Variants in USP15 observed in about 807,000 individuals in gnomAD.
USP15 encodes ubiquitin specific peptidase 15.
In USP15, 18 loss-of-function variants were observed where a neutral mutation model predicts 127.1. That is an observed-to-expected ratio of 0.14 (90% CI 0.10 to 0.21). The LOEUF (loss-of-function observed/expected upper bound fraction) is 0.21. Ranked by LOEUF, USP15 falls within the 10% of genes least tolerant of loss-of-function variation. The probability of loss-of-function intolerance (pLI) is 1.00; values close to 1 mark genes in which losing one functional copy is unlikely to be tolerated. For missense variants in USP15, 805 were observed against 1,159.9 expected (o/e 0.69, Z 4.44); for synonymous variants, 364 against 393.7 (o/e 0.92, Z 0.89).
chr12:62,410,376 CAAA>C lies in USP15; in HGVS notation c.*6008_*6010del, dbSNP rs905480262. On this transcript the variant is annotated 3_prime_UTR_variant, in exon 22 of 22. Transcript: ENST00000280377. ...TTAGAGTTGCCCTTATTTTAAAAAA[CAAA>C]AAAAAAGTAAAGATGGGAAAATTAC... 6.7e-6 allele frequency: 1 copy of C among 148,386 alleles called. No homozygotes were observed. Among genetic ancestry groups the C allele is most frequent in the Non-Finnish European group, 1.5e-5 (1 of 66,926 alleles). The allele number at this position is 148,386 out of a possible 1,614,324, so 9.2% of individuals were successfully genotyped here.
rs188684511 is a variant in USP15 at position 62,263,789 on chromosome 12, T to C, written c.89+3286T>C. ...AAAAACACGAACAAAATTTAGAGTT[T>C]AGGAACTATAGGAAAGAGATAAATG... On this transcript the variant is annotated intron_variant, in intron 1 of 21. Coordinates refer to ENST00000280377, the MANE Select transcript of USP15 (RefSeq NM_001252078.2). Among the ~76,000 whole-genome samples, 12 of 152,304 alleles carry C rather than the reference T, an allele frequency of 7.9e-5. No homozygotes were observed. In the East Asian group the frequency reaches 2.1e-3, roughly 27 times the overall value.
Position 62,411,737 on chromosome 12 carries a change from C to CT in USP15, c.*7363dup, listed in dbSNP as rs2068046762. ...TTTCACAGTTCTGGAGGCTGGGAAT[C>CT]TGAGATCAGGGTACCAGTATACTGG... On this transcript the variant is annotated 3_prime_UTR_variant, in exon 22 of 22. Coordinates refer to ENST00000280377, the MANE Select transcript of USP15 (RefSeq NM_001252078.2). 6.6e-6 allele frequency: 1 copy of CT among 152,170 alleles called. No individual in the cohort carries two copies. Among genetic ancestry groups the CT allele is most frequent in the South Asian group, 2.1e-4 (1 of 4,830 alleles). 9.4% of individuals were successfully genotyped at this position (152,170 alleles called of 1,614,324 possible).
rs1422092439 is a variant in USP15, at chr12:62,343,796, T to C, written c.684-5425T>C. ...ATGCAGAAATCACCTACCTTCTCCA[T>C]TGATCTCCCTGGGAACCTCAGACCA... On this transcript the variant is annotated intron_variant, in intron 6 of 21. Coordinates refer to ENST00000280377, the MANE Select transcript of USP15 (RefSeq NM_001252078.2). Among the ~76,000 whole-genome samples the C allele has an allele frequency of 2.6e-5, 4 of 152,158 alleles. No individual in the cohort carries two copies. The East Asian group carries it at 5.8e-4, about 22-fold the overall frequency.
intron 1 of USP15, among the ~76,000 whole-genome samples, chr12:62,276,358 A>C (rs952148237): frequency 6.6e-6 from 1 of 152,100 alleles, no homozygotes; most frequent in Admixed American, 6.6e-5. Flanking sequence ...GCTGCTCAAG[A>C]TGGTTTGTAC....
At position 62,296,131 on chromosome 12, in the gene USP15, A is replaced by G. The variant is rs185014992; in HGVS notation, c.217+1825A>G. ...AGGAACAGAGAGTGGCCTCAGGTTGACAGCCAGCAAGGAAACGGGAACCTC... is the reference window on the plus strand; with the variant it reads ...AGGAACAGAGAGTGGCCTCAGGTTGGCAGCCAGCAAGGAAACGGGAACCTC... On this transcript the variant is annotated intron_variant, in intron 2 of 21. Transcript: ENST00000280377. Among the ~76,000 whole-genome samples the G allele has an allele frequency of 4.6e-3, 708 of 152,340 alleles. 2 individuals are homozygous for G. Among genetic ancestry groups the G allele is most frequent in the Middle Eastern group, 0.01 (3 of 294 alleles).
intron 1 of USP15, among the ~76,000 whole-genome samples, chr12:62,290,905 G>A (rs905318748): frequency 6.7e-6 from 1 of 149,290 alleles, no homozygotes; most frequent in African/African-American, 2.5e-5. Flanking sequence ...CAGGTTGACA[G>A]TTTTTTTTTT....
At chr12:62,336,619 A>C (rs2065474296) in intron 6 of USP15, 1 of 490,330 alleles carries the variant, frequency 2.0e-6, no homozygotes, top group Admixed American at 6.4e-5. Context: ...GTACAAAACC[A>C]TTGTATTTTG....
Position 62,371,610 on chromosome 12 carries a change from C to T in USP15, c.916-9880C>T, listed in dbSNP as rs574758447. 3.7e-4 allele frequency among the ~76,000 whole-genome samples: 57 copies of T among 152,106 alleles called. No homozygotes were observed. The East Asian group carries it at 9.1e-3, about 24-fold the overall frequency. On this transcript the variant is annotated intron_variant, in intron 8 of 21. Coordinates refer to ENST00000280377, the MANE Select transcript of USP15 (RefSeq NM_001252078.2). ...AGTGTTTTTAATTTTATTTTTCTAG[C>T]GGTTCATTTTTATTATATCTTACAC...
chr12:62,366,039 C>G (rs971449711), intron 8 of USP15, among the ~76,000 whole-genome samples: 1 of 152,172 alleles, frequency 6.6e-6, no homozygotes, highest in Non-Finnish European at 1.5e-5. Context: ...TATGCCGGCT[C>G]TTTTCTGGTT....
intron 11 of USP15, among the ~76,000 whole-genome samples, chr12:62,388,091 A>G (rs868695682): frequency 3.0e-4 from 46 of 151,684 alleles, no homozygotes; most frequent in African/African-American, 1.0e-3. Context: ...GCAGTAGTGA[A>G]ATAGGAAGCC....
At chr12:62,278,581 G>A (rs2063559055) in intron 1 of USP15, 1 of 152,126 alleles carries the variant, frequency 6.6e-6, no homozygotes, top group African/African-American at 2.4e-5. Context: ...ACATTATGGT[G>A]TATGGGACCA....
intron 2 of USP15, among the ~76,000 whole-genome samples, chr12:62,299,003 C>T (rs1186520602): frequency 6.6e-6 from 1 of 152,110 alleles, no homozygotes; most frequent in Non-Finnish European, 1.5e-5. Flanking sequence ...TTAAGAATCA[C>T]ACCCTATCCC....
At chr12:62,263,557 AAAT>A (rs1426725663) in intron 1 of USP15, among the ~76,000 whole-genome samples, 2 of 152,232 alleles carry the variant, frequency 1.3e-5, no homozygotes, top group Admixed American at 6.5e-5. Context: ...CTAGAGATGA[AAAT>A]AAGTTACACA....
At chr12:62,266,521 T>C (rs947817710) in intron 1 of USP15, among the ~76,000 whole-genome samples, 13 of 152,080 alleles carry the variant, frequency 8.5e-5, no homozygotes, top group African/African-American at 1.7e-4. Context: ...TCAATTTTGC[T>C]ATCTTAGTCT....
chr12:62,334,160 C>T (rs754808851), intron 6 of USP15: 5 of 152,106 alleles, frequency 3.3e-5, no homozygotes, highest in Admixed American at 2.0e-4. Context: ...TTCTCTGTAT[C>T]GTTCCAATTT....
chr12:62,346,615 T>C (rs2065825916), intron 6 of USP15, among the ~76,000 whole-genome samples: 1 of 152,174 alleles, frequency 6.6e-6, no homozygotes, highest in Non-Finnish European at 1.5e-5. Flanking sequence ...TTCTTACCTT[T>C]GTTGTTTTTA....
At chr12:62,391,532 T>G (rs2067325820) in intron 16 of USP15, 103 bp downstream of exon 16, 3 of 1,404,188 alleles carry the variant, frequency 2.1e-6, no homozygotes, top group Non-Finnish European at 2.9e-6. Context: ...AAATATACCA[T>G]TTACTTTTCT....
chr12:62,338,266 A>G (rs1467236797), intron 6 of USP15, among the ~76,000 whole-genome samples: 1 of 152,080 alleles, frequency 6.6e-6, no homozygotes, highest in Non-Finnish European at 1.5e-5. Context: ...TTTTGGCTGC[A>G]TAAATGTCTT....
intron 8 of USP15, among the ~76,000 whole-genome samples, chr12:62,377,513 A>G (rs1312413755): frequency 6.6e-6 from 1 of 152,174 alleles, no homozygotes; most frequent in Non-Finnish European, 1.5e-5. Flanking sequence ...TGAGGTCAGG[A>G]GTTCAAGACC....
Sources: gnomAD v4.1 joint callset for allele counts (sites outside exome capture counted in the v4.1 genomes callset) on GRCh38, gnomAD v4.1.1 for gene constraint, MANE v1.5 for transcripts, NCBI Gene and HGNC (gene_info 2026-07-23, HGNC 2026-07-21) for gene names.